Variants in SMC2 observed in about 807,000 individuals in gnomAD.
SMC2 encodes structural maintenance of chromosomes protein 2.
Under a neutral mutation model 142.6 loss-of-function variants are expected in SMC2, and 41 were observed. The observed-to-expected ratio is 0.29, with a 90% CI of 0.22 to 0.37. SMC2 has a LOEUF of 0.37. Ranked by LOEUF, SMC2 falls within the 10% of genes least tolerant of loss-of-function variation. The probability of loss-of-function intolerance (pLI) is 1.00; values close to 1 mark genes in which losing one functional copy is unlikely to be tolerated. For synonymous variants in SMC2, 463 were observed against 457.5 expected (o/e 1.01, Z -0.15); for missense variants, 1,265 against 1,373.7 (o/e 0.92, Z 1.25).
In SMC2 at chr9:104,139,397, A is replaced by G; in HGVS notation, c.*82A>G. ...CTTGAGATAACTAATTTGTTTATAT[A>G]CAAAAATTAATGTTACTGTGTTACT... On this transcript the variant is annotated 3_prime_UTR_variant, in exon 25 of 25. Transcript: ENST00000374793. 8.8e-7 allele frequency: 1 copy of G among 1,142,442 alleles called. No individual in the cohort carries two copies. The highest frequency in any genetic ancestry group is 1.2e-6 in the Non-Finnish European group (1 of 811,358). The allele number at this position is 1,142,442 out of a possible 1,614,324, so 70.8% of individuals were successfully genotyped here. A position where few individuals can be genotyped will look rare whatever the true frequency, so the allele number is the denominator to read the frequency against.
At chr9:104,094,837 A>G (rs1438140417) in intron 1 of SMC2, 1 of 173,978 alleles carries the variant, frequency 5.7e-6, no homozygotes, top group Non-Finnish European at 1.2e-5. Context: ...ACTTACAGAC[A>G]AGTAATGACC....
intron 9 of SMC2, among the ~76,000 whole-genome samples, chr9:104,102,790 CAT>C (rs1411870562): frequency 6.6e-6 from 1 of 152,002 alleles, no homozygotes; most frequent in African/African-American, 2.4e-5. Flanking sequence ...ATAAATAAAA[CAT>C]GTAACATGTT....
intron 23 of SMC2, among the ~76,000 whole-genome samples, chr9:104,135,613 A>G (rs1835442084): frequency 6.6e-6 from 1 of 152,302 alleles, no homozygotes; most frequent in African/African-American, 2.4e-5. Flanking sequence ...ACAGAAACAC[A>G]TACAAAATAA....
At chr9:104,131,158 A>G (rs1587994560) in intron 21 of SMC2, among the ~76,000 whole-genome samples, 2 of 152,108 alleles carry the variant, frequency 1.3e-5, no homozygotes, top group African/African-American at 4.8e-5. Context: ...TCATGGTATG[A>G]TTATCCCTCT....
chr9:104,132,572 G>T (rs746902750), intron 22 of SMC2, among the ~76,000 whole-genome samples: 1 of 152,090 alleles, frequency 6.6e-6, no homozygotes, highest in Non-Finnish European at 1.5e-5. Flanking sequence ...TCCAAACATA[G>T]AGTTACTGTG....
chr9:104,098,507 T>G lies in SMC2; in HGVS notation c.380T>G (p.Val127Gly). Reference sequence around the variant, plus strand: ...GGAGTCAATGCCAACAACACCAGAGTACAGGATCTCTTCTGTTCTGTTGGC... The same window carrying G: ...GGAGTCAATGCCAACAACACCAGAGGACAGGATCTCTTCTGTTCTGTTGGC... ...INGVNANNTR[V>G]QDLFCSVGLN... Residue 127 changes from valine to glycine, a missense_variant, in exon 4 of 25, where the codon GTA (valine) becomes GGA (glycine). Physicochemically the swap from Val to Gly is moderately radical, Grantham distance 109 (BLOSUM62 -3). Around this residue, in one of 4 missense-constraint regions of SMC2, gnomAD observed 168 missense variants for 184.8 expected, o/e 0.91. Transcript: ENST00000374793. The G allele has an allele frequency of 6.2e-7, 1 of 1,600,876 alleles. No individual in the cohort carries two copies. The highest frequency in any genetic ancestry group is 8.5e-7 in the Non-Finnish European group (1 of 1,174,422).
chr9:104,094,525 TGGCGGGAGGCGGGA>T (rs143664933), intron 1 of SMC2, 48 bp downstream of exon 1: 19 of 268,002 alleles, frequency 7.1e-5, no homozygotes, highest in East Asian at 2.7e-4. Flanking sequence ...CCAGACTTCC[TGGCGGGAGGCGGGA>T]GGCGGGAGGC....
intron 3 of SMC2, among the ~76,000 whole-genome samples, chr9:104,097,669 T>A (rs1013663803): frequency 7.2e-5 from 11 of 152,170 alleles, no homozygotes; most frequent in Non-Finnish European, 1.3e-4. Flanking sequence ...TAAACTTGTA[T>A]CTTCACCAAA....
At chr9:104,091,296 G>A (rs937187526), upstream of SMC2, among the ~76,000 whole-genome samples, 1 of 152,152 alleles carries the variant, frequency 6.6e-6, no homozygotes, top group African/African-American at 2.4e-5. Flanking sequence ...GCATATTACT[G>A]TACTGAATAA....
intron 23 of SMC2, among the ~76,000 whole-genome samples, chr9:104,136,755 C>CTTTTTTTTT (rs755408895): frequency 3.3e-5 from 4 of 119,834 alleles, no homozygotes; most frequent in African/African-American, 9.4e-5. Flanking sequence ...CTGTTTTATT[C>CTTTTTTTTT]TTTTTTTTTT....
intron 20 of SMC2, among the ~76,000 whole-genome samples, chr9:104,128,559 A>G (rs10820608): frequency 0.52 from 78,631 of 152,036 alleles, 21,097 homozygotes; most frequent in Non-Finnish European, 0.55. Context: ...CAACACATAC[A>G]GGATGCTTTC....
intron 7 of SMC2, among the ~76,000 whole-genome samples, chr9:104,101,703 A>C (rs1234405258): frequency 6.6e-6 from 1 of 152,188 alleles, no homozygotes; most frequent in Non-Finnish European, 1.5e-5. Context: ...CCTTATGTCC[A>C]TATTTCTTTG....
chr9:104,123,315 A>G lies in SMC2; in HGVS notation c.2257+83A>G, dbSNP rs544470990. The stretch of plus-strand genomic sequence containing the variant: ...TTTAGGTATCTTCTCTACCTGTGCT[A>G]TGTTTAAGATATATATGATAAAGTT... On this transcript the variant is annotated intron_variant, in intron 17 of 24. Transcript: ENST00000374793. 65 of 1,351,214 alleles carry G rather than the reference A, an allele frequency of 4.8e-5. No individual in the cohort carries two copies. The African/African-American group carries it at 7.1e-4, about 15-fold the overall frequency. 83.7% of individuals were successfully genotyped at this position (1,351,214 alleles called of 1,614,324 possible). A position where few individuals can be genotyped will look rare whatever the true frequency, so the allele number is the denominator to read the frequency against.
At chr9:104,121,912 A>G (rs1833783541) in intron 16 of SMC2, among the ~76,000 whole-genome samples, 1 of 151,910 alleles carries the variant, frequency 6.6e-6, no homozygotes, top group Non-Finnish European at 1.5e-5. Context: ...TTGCCACCAC[A>G]CCCGGCTAAT....
intron 12 of SMC2, 106 bp from the exon 13 acceptor site, chr9:104,114,585 T>C: frequency 9.7e-7 from 1 of 1,027,772 alleles, no homozygotes; most frequent in Non-Finnish European, 1.4e-6. Context: ...CTGATTCTAC[T>C]TTCATTTCAC....
intron 9 of SMC2, 150 bp downstream of exon 9, chr9:104,102,723 T>G: frequency 4.3e-6 from 3 of 691,936 alleles, no homozygotes; most frequent in Non-Finnish European, 2.2e-6. Flanking sequence ...GACCAAATGG[T>G]CAAAAATCCT....
At chr9:104,104,729 C>T (rs1792100443) in intron 9 of SMC2, among the ~76,000 whole-genome samples, 1 of 152,214 alleles carries the variant, frequency 6.6e-6, no homozygotes, top group Non-Finnish European at 1.5e-5. Flanking sequence ...TCTAGCAAAA[C>T]TAGTCCTTTT....
chr9:104,100,486 A>C, intron 7 of SMC2, 53 bp downstream of exon 7: 1 of 1,160,264 alleles, frequency 8.6e-7, no homozygotes, highest in Admixed American at 2.1e-5. Flanking sequence ...CAAAGTCAGC[A>C]ATGTATCCAA....
At chr9:104,104,697 A>G (rs1334515453) in intron 9 of SMC2, among the ~76,000 whole-genome samples, 1 of 152,178 alleles carries the variant, frequency 6.6e-6, no homozygotes, top group Admixed American at 6.5e-5. Context: ...CCTGTAGTTT[A>G]TCCTCCAATC....
Sources: allele counts gnomAD v4.1 joint callset (sites outside exome capture counted in the v4.1 genomes callset), GRCh38; gene constraint gnomAD v4.1.1; regional missense constraint gnomAD v4.1.1; transcripts MANE v1.5; gene names NCBI Gene and HGNC (gene_info 2026-07-23, HGNC 2026-07-21).